The following PPP2CB variants were observed in gnomAD, a reference collection of about 807,000 sequenced individuals.
PPP2CB encodes the protein protein phosphatase 2 catalytic subunit beta.
In PPP2CB, 18 loss-of-function variants were observed where a neutral mutation model predicts 39.1. That is an observed-to-expected ratio of 0.46 (90% CI 0.32 to 0.68). PPP2CB has a LOEUF of 0.68. Among genes scored for constraint, PPP2CB ranks in the 30% least tolerant of loss-of-function variants. The pLI, the probability that PPP2CB is intolerant of heterozygous loss-of-function variation, is 0.04. For missense variants in PPP2CB, 226 were observed against 396.9 expected, an observed-to-expected ratio of 0.57 and a Z score of 3.66; for synonymous variants, 129 against 133.8, an observed-to-expected ratio of 0.96 and a Z score of 0.25.
At chr8:30,791,166 G>T (rs376984577) in intron 6 of PPP2CB, 31 bp downstream of exon 6, 3 of 1,427,606 alleles carry the variant, frequency 2.1e-6, no homozygotes, top group Non-Finnish European at 2.9e-6. Context: ...CCTTCTGAAA[G>T]TATATACAAT....
intron 1 of PPP2CB, among the ~76,000 whole-genome samples, chr8:30,811,080 G>A (rs1806817895): frequency 6.6e-6 from 1 of 152,186 alleles, no homozygotes; most frequent in Non-Finnish European, 1.5e-5. Context: ...AAGGATGAAT[G>A]TGGACAACTC....
At chr8:30,799,521 A>G in intron 2 of PPP2CB, 25 bp downstream of exon 2, 1 of 1,588,058 alleles carries the variant, frequency 6.3e-7, no homozygotes, top group Middle Eastern at 1.7e-4. Flanking sequence ...ATCTTGAAAA[A>G]AAAATTGAAT....
intron 3 of PPP2CB, among the ~76,000 whole-genome samples, chr8:30,795,248 T>C (rs866856954): frequency 5.9e-5 from 9 of 151,952 alleles, no homozygotes; most frequent in Middle Eastern, 3.2e-3. Flanking sequence ...CCTGAGTAGC[T>C]GGGTTTACAG....
intron 5 of PPP2CB, among the ~76,000 whole-genome samples, chr8:30,792,428 T>A (rs1806453539): frequency 1.3e-5 from 2 of 151,384 alleles, no homozygotes; most frequent in Admixed American, 1.3e-4. Flanking sequence ...TTACCTCTAG[T>A]TTGTGGTGTC....
chr8:30,785,649 T>C lies in PPP2CB; in HGVS notation c.*586A>G, dbSNP rs778961159. ...TAAAATGAAAAGTTTATTTGCTGAG[T>C]ACACCAAATAGGATGCAAGCACTGT... On this transcript the variant is annotated 3_prime_UTR_variant, in exon 7 of 7. Transcript: ENST00000221138. 5.4e-6 allele frequency: 1 copy of C among 183,906 alleles called. No individual in the cohort carries two copies. The highest frequency in any genetic ancestry group is 1.1e-5 in the Non-Finnish European group (1 of 87,710). 11.4% of individuals were successfully genotyped at this position (183,906 alleles called of 1,614,324 possible). A position where few individuals can be genotyped will look rare whatever the true frequency, so the allele number is the denominator to read the frequency against.
intron 5 of PPP2CB, among the ~76,000 whole-genome samples, chr8:30,792,202 G>C (rs1339403260): frequency 6.6e-6 from 1 of 151,484 alleles, no homozygotes; most frequent in African/African-American, 2.4e-5. Flanking sequence ...CTACAGGTGC[G>C]TGCCACCACA....
intron 1 of PPP2CB, among the ~76,000 whole-genome samples, chr8:30,803,415 T>C (rs528315695): frequency 1.7e-4 from 26 of 152,178 alleles, no homozygotes; most frequent in African/African-American, 6.3e-4. Flanking sequence ...TGTGGTTGTG[T>C]ATTCCTGTAG....
intron 1 of PPP2CB, 112 bp from the exon 2 acceptor site, chr8:30,799,867 G>A: frequency 2.4e-6 from 2 of 827,926 alleles, no homozygotes; most frequent in Non-Finnish European, 1.9e-6. Flanking sequence ...AAGCGTATGT[G>A]AAAACCAAAC....
chr8:30,799,828 G>GA (rs1188734337), intron 1 of PPP2CB, 73 bp from the exon 2 acceptor site: 24 of 1,361,420 alleles, frequency 1.8e-5, no homozygotes, highest in African/African-American at 1.3e-4. Context: ...AAAATTTGGG[G>GA]AAAAAAACAC....
chr8:30,794,695 T>C (rs56820927), intron 3 of PPP2CB, among the ~76,000 whole-genome samples: 65 of 152,256 alleles, frequency 4.3e-4, no homozygotes, highest in African/African-American at 1.4e-3. Flanking sequence ...CATGAACTCC[T>C]GGGCCCAAGC....
intron 3 of PPP2CB, among the ~76,000 whole-genome samples, chr8:30,795,362 G>A (rs1324735574): frequency 6.6e-6 from 1 of 152,082 alleles, no homozygotes; most frequent in African/African-American, 2.4e-5. Flanking sequence ...TGATCCGCCC[G>A]CCTTGGCCTC....
At position 30,799,774 on chromosome 8, in the gene PPP2CB, C is replaced by T; in HGVS notation, c.103-19G>A. ...CCTTTGCCTGTTAGAAAAGTGAAAT[C>T]AACAATTACAAAGTTAAAACTATCA... On this transcript the variant is annotated intron_variant, in intron 1 of 6. Coordinates refer to ENST00000221138, the MANE Select transcript of PPP2CB (RefSeq NM_001009552.2). 1 of 1,600,182 alleles carries T rather than the reference C, an allele frequency of 6.2e-7. No homozygotes were observed. The highest frequency in any genetic ancestry group is 8.6e-7 in the Non-Finnish European group (1 of 1,168,332).
At chr8:30,789,229 C>T (rs1806390876) in intron 6 of PPP2CB, among the ~76,000 whole-genome samples, 1 of 152,130 alleles carries the variant, frequency 6.6e-6, no homozygotes. Flanking sequence ...TGGGTTTCTC[C>T]ATGTTGGTCA....
At chr8:30,807,261 A>G (rs1419156970) in intron 1 of PPP2CB, among the ~76,000 whole-genome samples, 1 of 152,222 alleles carries the variant, frequency 6.6e-6, no homozygotes, top group Non-Finnish European at 1.5e-5. Flanking sequence ...TTTGCCTGTC[A>G]AGACCACTAT....
chr8:30,789,272 C>T (rs1482128305), intron 6 of PPP2CB, among the ~76,000 whole-genome samples: 6 of 152,118 alleles, frequency 3.9e-5, no homozygotes, highest in Non-Finnish European at 8.8e-5. Flanking sequence ...TCAGGTGATC[C>T]GCCCACCTCG....
In PPP2CB at chr8:30,811,750, C is replaced by T. The variant is rs529766365; in HGVS notation, c.102+570G>A. On this transcript the variant is annotated intron_variant, in intron 1 of 6. Coordinates refer to ENST00000221138, the MANE Select transcript of PPP2CB (RefSeq NM_001009552.2). ...CTCCTGGGCTCAAGCAATCCTCCCG[C>T]TTCAGCCTCCCGAGTAGCTGTGGCC... Among the ~76,000 whole-genome samples the T allele has an allele frequency of 5.9e-5, 9 of 152,148 alleles. No homozygotes were observed. The East Asian group carries it at 1.7e-3, about 29-fold the overall frequency.
At chr8:30,811,963 G>C (rs531252310) in intron 1 of PPP2CB, among the ~76,000 whole-genome samples, 2 of 152,204 alleles carry the variant, frequency 1.3e-5, no homozygotes, top group East Asian at 1.9e-4. Flanking sequence ...GTCCACTCGG[G>C]AAATGCTAGA....
At chr8:30,791,080 G>C in intron 6 of PPP2CB, 117 bp downstream of exon 6, 1 of 612,586 alleles carries the variant, frequency 1.6e-6, no homozygotes, top group Non-Finnish European at 2.7e-6. Flanking sequence ...GGTTATTTTT[G>C]CTGGAGAGGG....
chr8:30,805,872 G>A (rs1806716166), intron 1 of PPP2CB, among the ~76,000 whole-genome samples: 1 of 152,010 alleles, frequency 6.6e-6, no homozygotes, highest in Admixed American at 6.6e-5. Flanking sequence ...TAATTCATTT[G>A]ATCACAAAAG....
Sources: gnomAD v4.1 joint callset for allele counts (sites outside exome capture counted in the v4.1 genomes callset) on GRCh38, gnomAD v4.1.1 for gene constraint, MANE v1.5 for transcripts, NCBI Gene and HGNC (gene_info 2026-07-23, HGNC 2026-07-21) for gene names.